The following EHMT2 variants were observed in gnomAD, a reference collection of about 807,000 sequenced individuals.
EHMT2 encodes the protein euchromatic histone lysine methyltransferase 2.
A neutral mutation model predicts 143.3 loss-of-function variants in EHMT2; 59 were observed. That is an observed-to-expected ratio of 0.41 (90% CI 0.33 to 0.51). The LOEUF (loss-of-function observed/expected upper bound fraction) is 0.51. EHMT2 is among the 20% of genes least tolerant of loss of function. The pLI, the probability that EHMT2 is intolerant of heterozygous loss-of-function variation, is 0.18. For synonymous variants in EHMT2, 604 were observed against 651.5 expected, an observed-to-expected ratio of 0.93 and a Z score of 1.11; for missense variants, 1,174 against 1,645.9, an observed-to-expected ratio of 0.71 and a Z score of 4.96.
rs112461962 is a variant in EHMT2 at position 31,880,717 on chromosome 6, G to A, written c.3408C>T (p.Ile1136=). The stretch of plus-strand genomic sequence containing the variant: ...GGATGTCTCGGGAACTGAAGAAGGC[G>A]ATGCGTGGAAATCGCAGGTCTTGGT... The change falls in exon 27 of 28, where the codon ATC becomes ATT. Residue 1136 remains isoleucine, a synonymous_variant. Coordinates refer to ENST00000375537, the Ensembl canonical transcript of EHMT2. The surrounding 1 kb of genome is among the most constrained non-coding windows in gnomAD (Gnocchi z 6.6). 20 of 1,613,884 alleles carry A rather than the reference G, an allele frequency of 1.2e-5. No homozygotes were observed. Among genetic ancestry groups the A allele is most frequent in the African/African-American group, 5.3e-5 (4 of 74,994 alleles).
In EHMT2 at chr6:31,883,015, G is replaced by A; in HGVS notation, c.2995-6C>T. ...TCCTGGAGCAATCGCCCATCCTAGG[G>A]TGCGGAGGGGAGGATAGTGGTTTCT... On this transcript the variant is annotated splice_polypyrimidine_tract_variant and splice_region_variant and intron_variant, in intron 23 of 27. Coordinates refer to ENST00000375537, the Ensembl canonical transcript of EHMT2. The surrounding 1 kb of genome is among the most constrained non-coding windows in gnomAD (Gnocchi z 5.6). The A allele has an allele frequency of 1.2e-6, 2 of 1,611,962 alleles. No homozygotes were observed. The highest frequency in any genetic ancestry group is 1.7e-6 in the Non-Finnish European group (2 of 1,179,346).
rs369554647 is a variant in EHMT2 at position 31,887,566 on chromosome 6, G to A, written c.2011+11C>T. ...TGGTCAAGGTCTGCTGAAGGAATGG[G>A]TGGCACTCACACAGCATCAGGATCA... On this transcript the variant is annotated intron_variant, in intron 15 of 27. Coordinates refer to ENST00000375537, the Ensembl canonical transcript of EHMT2. 6.8e-6 allele frequency: 11 copies of A among 1,612,268 alleles called. No homozygotes were observed. Among genetic ancestry groups the A allele is most frequent in the Non-Finnish European group, 9.3e-6 (11 of 1,179,424 alleles).
At chr6:31,896,807 C>G (rs778536561) in exon 3 of EHMT2, 1 of 1,612,804 alleles carries the variant, frequency 6.2e-7, no homozygotes, top group African/African-American at 1.3e-5. Context: ...CGAGGGGTGT[C>G]CCCCAAAGAG....
chr6:31,886,508 C>T (rs1267045088), intron 18 of EHMT2, 73 bp downstream of exon 18: 3 of 1,440,004 alleles, frequency 2.1e-6, no homozygotes, highest in Non-Finnish European at 2.9e-6. Context: ...GAAAGGCGGC[C>T]CAAAGCCTGA....
At position 31,888,552 on chromosome 6, in the gene EHMT2, C is replaced by T. The variant is rs1562496245; in HGVS notation, c.1366-46G>A. The T allele has an allele frequency of 9.3e-6, 15 of 1,609,334 alleles. No individual in the cohort carries two copies. The highest frequency in any genetic ancestry group is 1.2e-5 in the Non-Finnish European group (14 of 1,178,508). ...TGAGAAGAGAGCGTGAGGCTGGGGC[C>T]GGGGACTGGACGCCCTGGCACCTCT... is the stretch of plus-strand genomic sequence containing the variant. On this transcript the variant is annotated intron_variant, in intron 11 of 27. Transcript: ENST00000375537. The surrounding 1 kb of genome is among the most constrained non-coding windows in gnomAD (Gnocchi z 7.4).
chr6:31,894,427 G>A (rs577555362), intron 4 of EHMT2, among the ~76,000 whole-genome samples: 35 of 152,008 alleles, frequency 2.3e-4, no homozygotes, highest in African/African-American at 7.7e-4. Context: ...GATTACATGC[G>A]TGAGGCACCC....
In EHMT2 at chr6:31,883,955, A is replaced by T. The variant is rs1276690720; in HGVS notation, c.2772-5T>A. On this transcript the variant is annotated splice_region_variant and splice_polypyrimidine_tract_variant and intron_variant, in intron 21 of 27. Coordinates refer to ENST00000375537, the Ensembl canonical transcript of EHMT2. This position sits in a 1 kb window ranked among gnomAD's most constrained non-coding sequence, Gnocchi z 5.6. ...TCATAGCCCCGAGCCACGTCCCTGC[A>T]GAAGACGGGAAGAAGGGGCTGGGAA... 1 of 1,613,168 alleles carries T rather than the reference A, an allele frequency of 6.2e-7. No individual in the cohort carries two copies. The highest frequency in any genetic ancestry group is 1.1e-5 in the South Asian group (1 of 91,048).
chr6:31,896,182 G>A, intron 4 of EHMT2, 81 bp downstream of exon 4: 10 of 1,522,614 alleles, frequency 6.6e-6, no homozygotes, highest in Non-Finnish European at 7.9e-6. Flanking sequence ...TGAGTAAATG[G>A]AGTAGAAGCC....
intron 1 of EHMT2, chr6:31,897,264 C>T: frequency 1.1e-6 from 1 of 928,986 alleles, no homozygotes; most frequent in Admixed American, 4.3e-5. Flanking sequence ...GCCCCGCCCC[C>T]TCCTCCCGGC....
chr6:31,886,941 G>A, intron 16 of EHMT2, 44 bp from the exon 17 acceptor site: 1 of 1,613,902 alleles, frequency 6.2e-7, no homozygotes, highest in Non-Finnish European at 8.5e-7. Flanking sequence ...GCATGGGGCA[G>A]GGGAGGGGCC....
Position 31,889,152 on chromosome 6 carries a change from C to A in EHMT2, c.1114+76G>T. 1 of 1,524,132 alleles carries A rather than the reference C, an allele frequency of 6.6e-7. No individual in the cohort carries two copies. The highest frequency in any genetic ancestry group is 8.9e-7 in the Non-Finnish European group (1 of 1,118,682). The allele number at this position is 1,524,132 out of a possible 1,614,324, so 94.4% of individuals were successfully genotyped here. A position where few individuals can be genotyped will look rare whatever the true frequency, so the allele number is the denominator to read the frequency against. ...GTACATGCAGGTGGACATGCGAGAG[C>A]GTGTGTGTGCGTGCACACACTCTGG... is the stretch of plus-strand genomic sequence containing the variant. On this transcript the variant is annotated intron_variant, in intron 9 of 27. Coordinates refer to ENST00000375537, the Ensembl canonical transcript of EHMT2. The surrounding 1 kb of genome is among the most constrained non-coding windows in gnomAD (Gnocchi z 5.1).
chr6:31,895,103 T>C (rs910603558), intron 4 of EHMT2, among the ~76,000 whole-genome samples: 2 of 152,344 alleles, frequency 1.3e-5, no homozygotes, highest in East Asian at 1.9e-4. Context: ...AGGTAGCTCA[T>C]AGCAACCTGT....
chr6:31,896,308 C>T, exon 4 of EHMT2: 3 of 1,612,988 alleles, frequency 1.9e-6, no homozygotes, highest in Non-Finnish European at 2.5e-6. Context: ...CTCGGTGGAC[C>T]TTGGGCTGTC....
intron 1 of EHMT2, 47 bp downstream of exon 1, chr6:31,897,589 G>GGC (rs1277925981): frequency 2.0e-5 from 22 of 1,125,846 alleles, no homozygotes; most frequent in African/African-American, 3.3e-5. Flanking sequence ...GCTTCCCCCG[G>GGC]GCGCGCGCGC....
In EHMT2 at chr6:31,888,293, G is replaced by A. The variant is rs486416; in HGVS notation, c.1510-17C>T. 1,124,419 of 1,612,170 alleles carry A rather than the reference G, an allele frequency of 0.7. 400,806 individuals are homozygous for A. The highest frequency in any genetic ancestry group is 0.91 in the Middle Eastern group (5,484 of 6,056). ...GAAGGTGCCCTGGGAGCAGGGAAAC[G>A]ACATGGTCAGGTTACTGGGGCCCCC... On this transcript the variant is annotated splice_polypyrimidine_tract_variant and intron_variant, in intron 12 of 27. Transcript: ENST00000375537. The surrounding 1 kb of genome is among the most constrained non-coding windows in gnomAD (Gnocchi z 7.4).
Position 31,889,138 on chromosome 6 carries a change from T to C in EHMT2, c.1115-68A>G, listed in dbSNP as rs1765325716. On this transcript the variant is annotated intron_variant, in intron 9 of 27. Transcript: ENST00000375537. The surrounding 1 kb of genome is among the most constrained non-coding windows in gnomAD (Gnocchi z 5.1). ...GCCTGGACGCGTGGGTACATGCAGG[T>C]GGACATGCGAGAGCGTGTGTGTGCG... is the stretch of plus-strand genomic sequence containing the variant. 1 of 1,539,144 alleles carries C rather than the reference T, an allele frequency of 6.5e-7. No individual in the cohort carries two copies. Among genetic ancestry groups the C allele is most frequent in the South Asian group, 1.2e-5 (1 of 85,752 alleles).
chr6:31,889,380 C>T lies in EHMT2; in HGVS notation c.1000-38G>A. 3.1e-6 allele frequency: 5 copies of T among 1,609,150 alleles called. No homozygotes were observed. The highest frequency in any genetic ancestry group is 4.2e-6 in the Non-Finnish European group (5 of 1,178,464). On this transcript the variant is annotated intron_variant, in intron 8 of 27. Coordinates refer to ENST00000375537, the Ensembl canonical transcript of EHMT2. This position sits in a 1 kb window ranked among gnomAD's most constrained non-coding sequence, Gnocchi z 5.1. Reference sequence around the variant, plus strand: ...AGGAGGAGGAGTTAGGAACCCTCACCCCCAGGGGCCCCCCCAACACCTTCA... The same window carrying T: ...AGGAGGAGGAGTTAGGAACCCTCACTCCCAGGGGCCCCCCCAACACCTTCA...
chr6:31,884,304 G>T lies in EHMT2; in HGVS notation c.2771+88C>A. On this transcript the variant is annotated intron_variant, in intron 21 of 27. Transcript: ENST00000375537. The surrounding 1 kb of genome is among the most constrained non-coding windows in gnomAD (Gnocchi z 7.3). ...TTCAGTGGTGCATGGGGAGGGGTTG[G>T]GGAATGTTGTGAGGATGCAATGGAG... 6.8e-7 allele frequency: 1 copy of T among 1,465,182 alleles called. No homozygotes were observed. Among genetic ancestry groups the T allele is most frequent in the East Asian group, 2.3e-5 (1 of 43,436 alleles). 90.8% of individuals were successfully genotyped at this position (1,465,182 alleles called of 1,614,324 possible). A position where few individuals can be genotyped will look rare whatever the true frequency, so the allele number is the denominator to read the frequency against.
At position 31,880,031 on chromosome 6, in the gene EHMT2, G is replaced by A; in HGVS notation, c.*53C>T. 1.3e-6 allele frequency: 2 copies of A among 1,579,364 alleles called. No individual in the cohort carries two copies. Among genetic ancestry groups the A allele is most frequent in the Non-Finnish European group, 1.7e-6 (2 of 1,157,926 alleles). On this transcript the variant is annotated 3_prime_UTR_variant, in exon 28 of 28. Transcript: ENST00000375537. The surrounding 1 kb of genome is among the most constrained non-coding windows in gnomAD (Gnocchi z 6.6). ...GGGCTGCGAGCAGCTGGTGGCAGAG[G>A]AGGCGGCTGAGCTGTGGCCATCCAT...
Sources: allele counts gnomAD v4.1 joint callset (sites outside exome capture counted in the v4.1 genomes callset), GRCh38; gene constraint gnomAD v4.1.1; non-coding constraint Gnocchi (gnomAD v3.1); transcripts MANE v1.5; gene names NCBI Gene and HGNC (gene_info 2026-07-23, HGNC 2026-07-21).